The following FAAH2 variants were observed in gnomAD, a reference collection of about 807,000 sequenced individuals.
The protein encoded by FAAH2 is fatty acid amide hydrolase 2.
Under a neutral mutation model 36.9 loss-of-function variants are expected in FAAH2, and 60 were observed. The observed-to-expected ratio is 1.63, with a 90% CI of 1.32 to 2.02. The LOEUF (loss-of-function observed/expected upper bound fraction) is 2.02, where lower values mean the gene tolerates loss of function less well. Ranked by LOEUF, FAAH2 falls within the 30% of genes most tolerant of loss-of-function variation. FAAH2 has a pLI of 0.00. For synonymous variants in FAAH2, 214 were observed against 143.8 expected, an observed-to-expected ratio of 1.49 and a Z score of -3.49; for missense variants, 689 against 397.5, an observed-to-expected ratio of 1.73 and a Z score of -6.23.
chrX:57,273,381 G>T, the FAAH2 span, among the ~76,000 whole-genome samples: 123 of 111,539 alleles, frequency 1.1e-3, 1 homozygote, highest in Middle Eastern at 9.2e-3. Context: ...TGATATTCAA[G>T]ACTTGAACTC....
the FAAH2 span, among the ~76,000 whole-genome samples, chrX:57,212,062 C>A: frequency 9.0e-6 from 1 of 111,435 alleles, no homozygotes; most frequent in Non-Finnish European, 1.9e-5. Flanking sequence ...ATAACAAGAC[C>A]CTGTCTCTAC....
At chrX:57,344,163 C>T (rs948036298) in intron 5 of FAAH2, among the ~76,000 whole-genome samples, 5 of 106,948 alleles carry the variant, frequency 4.7e-5, no homozygotes, top group Admixed American at 1.0e-4. Context: ...AACAGTATTT[C>T]GATAGGGATA....
At chrX:57,441,673 C>T (rs1367496378) in intron 8 of FAAH2, among the ~76,000 whole-genome samples, 1 of 109,878 alleles carries the variant, frequency 9.1e-6, no homozygotes, top group Non-Finnish European at 1.9e-5. Context: ...TTGGCTCTTG[C>T]TTCTCTAGTT....
chrX:57,353,356 CT>C (rs1329954854), intron 5 of FAAH2, among the ~76,000 whole-genome samples: 2 of 108,560 alleles, frequency 1.8e-5, no homozygotes, highest in Non-Finnish European at 3.8e-5. Context: ...AAGTGAATCA[CT>C]TTTCAATAAA....
At chrX:57,182,888 G>T in the FAAH2 span, among the ~76,000 whole-genome samples, 3 of 111,090 alleles carry the variant, frequency 2.7e-5, no homozygotes, top group Admixed American at 1.9e-4. Context: ...CATGTCCATT[G>T]TAGGTACATA....
chrX:57,341,379 A>T lies in FAAH2; in HGVS notation c.731A>T (p.Lys244Met), dbSNP rs754187037. The change falls in exon 5 of 11, where the codon AAG becomes ATG. Residue 244 changes from lysine (K) to methionine (M), a missense_variant. By Grantham distance (95) the Lys-to-Met change is moderately conservative. Coordinates refer to ENST00000374900, the MANE Select transcript of FAAH2 (RefSeq NM_174912.4). The stretch of plus-strand genomic sequence containing the variant: ...TTCTTCAATGGTATATTTGGACACA[A>T]GCCTTCTCCAGGTAATGTTAATATG... Reference protein sequence around the residue: ...PAFFNGIFGHKPSPGVVPNKG... With the variant: ...PAFFNGIFGHMPSPGVVPNKG... 3.3e-6 allele frequency: 4 copies of T among 1,208,433 alleles called. No individual in the cohort carries two copies. In the South Asian group the frequency reaches 7.1e-5, roughly 21 times the overall value.
intron 5 of FAAH2, among the ~76,000 whole-genome samples, chrX:57,346,375 C>A (rs2053822297): frequency 9.0e-6 from 1 of 111,028 alleles, no homozygotes; most frequent in African/African-American, 3.3e-5. Flanking sequence ...TATATTATGC[C>A]CTTCTTTGTC....
chrX:57,371,172 G>A (rs1022197287), intron 5 of FAAH2, among the ~76,000 whole-genome samples: 3 of 111,545 alleles, frequency 2.7e-5, no homozygotes, highest in African/African-American at 9.8e-5. Context: ...CTGCATGTTT[G>A]TCATATAATT....
chrX:57,328,879 A>T (rs1320281655), intron 3 of FAAH2, among the ~76,000 whole-genome samples: 1 of 111,293 alleles, frequency 9.0e-6, no homozygotes, highest in African/African-American at 3.3e-5. Flanking sequence ...GGGGACTGGT[A>T]TGAGGTCCCC....
chrX:57,314,927 A>G (rs971010939), intron 3 of FAAH2, among the ~76,000 whole-genome samples: 1 of 111,224 alleles, frequency 9.0e-6, no homozygotes, highest in Admixed American at 9.6e-5. Flanking sequence ...AAAAGAAATA[A>G]CTAAAATTAG....
Position 57,330,484 on chromosome X carries a change from C to A in FAAH2, c.413-1114C>A, listed in dbSNP as rs759090542. On this transcript the variant is annotated intron_variant, in intron 3 of 10. Transcript: ENST00000374900. Reference sequence around the variant, plus strand: ...GCAATGGTGCCCGAAACTTCATTAGCAATTTTAATTTTGCCCCGGTCCTGA... The same window carrying A: ...GCAATGGTGCCCGAAACTTCATTAGAAATTTTAATTTTGCCCCGGTCCTGA... Among the ~76,000 whole-genome samples the A allele has an allele frequency of 2.7e-5, 3 of 111,790 alleles. No homozygotes were observed. In the Admixed American group the frequency reaches 2.8e-4, roughly 11 times the overall value.
At chrX:57,379,545 TCA>T (rs773400915) in intron 6 of FAAH2, among the ~76,000 whole-genome samples, 1,628 of 70,263 alleles carry the variant, frequency 0.023, 27 homozygotes, top group African/African-American at 0.098. Context: ...TCTCTCTCTC[TCA>T]CACACACACA....
chrX:57,481,552 T>C lies in FAAH2; in HGVS notation c.1424-7205T>C, dbSNP rs578151256. On this transcript the variant is annotated intron_variant, in intron 10 of 10. Coordinates refer to ENST00000374900, the MANE Select transcript of FAAH2 (RefSeq NM_174912.4). ...ACGTCCAATCCAGACCCTGTTCTCC[T>C]GGGTATCACCAGTGGAGGCTGTAGA... is the stretch of plus-strand genomic sequence containing the variant. Among the ~76,000 whole-genome samples the C allele has an allele frequency of 1.4e-3, 157 of 112,251 alleles. 2 individuals carry two copies. The South Asian group carries it at 0.049, about 35-fold the overall frequency.
intron 10 of FAAH2, among the ~76,000 whole-genome samples, chrX:57,460,913 C>T (rs879114978): frequency 3.6e-5 from 4 of 111,201 alleles, no homozygotes; most frequent in African/African-American, 9.8e-5. Flanking sequence ...ACCCACCTCA[C>T]GTGCAAAGAC....
At chrX:57,357,086 A>G (rs2054176006) in intron 5 of FAAH2, among the ~76,000 whole-genome samples, 1 of 111,432 alleles carries the variant, frequency 9.0e-6, no homozygotes, top group Non-Finnish European at 1.9e-5. Context: ...GATGGTTTCC[A>G]GATTTCCTAT....
chrX:57,255,880 C>T, the FAAH2 span, among the ~76,000 whole-genome samples: 1 of 111,667 alleles, frequency 9.0e-6, no homozygotes, highest in South Asian at 3.8e-4. Flanking sequence ...AAAGGATGCC[C>T]TCTCTCACCA....
chrX:57,373,197 C>G (rs2054594344), intron 5 of FAAH2, among the ~76,000 whole-genome samples: 1 of 111,281 alleles, frequency 9.0e-6, no homozygotes, highest in Admixed American at 9.5e-5. Context: ...AACGTGTGTG[C>G]AAGTATCTCT....
chrX:57,322,808 CTTTTTT>C lies in FAAH2; in HGVS notation c.413-8784_413-8779del, dbSNP rs60242728. 2.5e-4 allele frequency among the ~76,000 whole-genome samples: 26 copies of C among 105,774 alleles called. No individual in the cohort carries two copies. In the South Asian group the frequency reaches 8.9e-3, roughly 36 times the overall value. The allele number at this position is 105,774 out of a possible 115,157, so 91.9% of individuals were successfully genotyped here. A position where few individuals can be genotyped will look rare whatever the true frequency, so the allele number is the denominator to read the frequency against. ...ATTCTGCTGCTAATGCTTGTGATTT[CTTTTTT>C]TTTTTGTTTTGTTTTGTTTTCCTTT... On this transcript the variant is annotated intron_variant, in intron 3 of 10. Transcript: ENST00000374900.
intron 5 of FAAH2, among the ~76,000 whole-genome samples, chrX:57,346,680 G>A (rs1250683969): frequency 4.5e-5 from 5 of 111,615 alleles, no homozygotes; most frequent in Non-Finnish European, 7.5e-5. Flanking sequence ...TATATTATCT[G>A]TGGGCTATTT....
Sources: allele counts gnomAD v4.1 joint callset (sites outside exome capture counted in the v4.1 genomes callset), GRCh38; gene constraint gnomAD v4.1.1; transcripts MANE v1.5; gene names NCBI Gene and HGNC (gene_info 2026-07-23, HGNC 2026-07-21).